Variants in ARL6IP6 observed in about 807,000 individuals in gnomAD.
The protein encoded by ARL6IP6 is ARF like GTPase 6 interacting protein 6.
A neutral mutation model predicts 21.5 loss-of-function variants in ARL6IP6; 22 were observed. That is an observed-to-expected ratio of 1.02 (90% CI 0.73 to 1.46). The LOEUF (loss-of-function observed/expected upper bound fraction) is 1.46. Ranked by LOEUF, ARL6IP6 falls within the 40% of genes most tolerant of loss-of-function variation. ARL6IP6 has a pLI of 0.00. For synonymous variants in ARL6IP6, 164 were observed against 125.3 expected (o/e 1.31, Z -2.06); for missense variants, 388 against 299.8 (o/e 1.29, Z -2.17).
chr2:152,724,343 A>C (rs1056204940), intron 2 of ARL6IP6, among the ~76,000 whole-genome samples: 1 of 152,224 alleles, frequency 6.6e-6, no homozygotes, highest in African/African-American at 2.4e-5. Context: ...ACAATATGCC[A>C]AAAGCCATTA....
At chr2:152,750,432 C>A in intron 3 of ARL6IP6, among the ~76,000 whole-genome samples, 1 of 147,376 alleles carries the variant, frequency 6.8e-6, no homozygotes, top group East Asian at 2.0e-4. Flanking sequence ...GCCAAGATCA[C>A]ACCACTGCAC....
chr2:152,728,165 C>T (rs529790738), intron 2 of ARL6IP6, among the ~76,000 whole-genome samples: 6 of 152,260 alleles, frequency 3.9e-5, no homozygotes, highest in Admixed American at 1.3e-4. Context: ...AGGTCTACCT[C>T]ATTTTTTCAT....
chr2:152,720,661 G>A, intron 2 of ARL6IP6, 75 bp downstream of exon 2: 4 of 1,288,984 alleles, frequency 3.1e-6, no homozygotes, highest in Non-Finnish European at 2.2e-6. Context: ...AACTAACTCT[G>A]GGATAAAATA....
At chr2:152,729,525 A>G (rs549536946) in intron 2 of ARL6IP6, among the ~76,000 whole-genome samples, 1 of 152,348 alleles carries the variant, frequency 6.6e-6, no homozygotes, top group African/African-American at 2.4e-5. Flanking sequence ...CTTAAATACA[A>G]GAATGTTCCT....
At chr2:152,724,897 TA>T (rs11349784) in intron 2 of ARL6IP6, among the ~76,000 whole-genome samples, 100,296 of 150,640 alleles carry the variant, frequency 0.67, 33,470 homozygotes, top group East Asian at 0.72. Context: ...AAACCTGACA[TA>T]AAAAAAAAAG....
intron 2 of ARL6IP6, among the ~76,000 whole-genome samples, chr2:152,728,552 A>G (rs541567564): frequency 5.3e-5 from 8 of 152,332 alleles, no homozygotes; most frequent in Non-Finnish European, 8.8e-5. Context: ...AAGGTTTTAT[A>G]GAAATAAAGT....
rs774928726 is a variant in ARL6IP6 at position 152,718,972 on chromosome 2, C to T, written c.348C>T (p.Leu116=). The change falls in exon 1 of 4, where the codon CTC becomes CTT. Residue 116 remains leucine (L), a synonymous_variant. Transcript: ENST00000326446. ...VQVLSILCSL[L]FAILLAFLLA... ...TCCTCTCTATTCTCTGCTCGCTGCTCTTCGCCATTCTTCTCGCCTTCCTCC... is the reference window on the plus strand; with the variant it reads ...TCCTCTCTATTCTCTGCTCGCTGCTTTTCGCCATTCTTCTCGCCTTCCTCC... 1.3e-6 allele frequency: 2 copies of T among 1,591,236 alleles called. No homozygotes were observed. Among genetic ancestry groups the T allele is most frequent in the Non-Finnish European group, 1.7e-6 (2 of 1,167,240 alleles).
At chr2:152,732,523 G>A in intron 2 of ARL6IP6, 2 of 438,944 alleles carry the variant, frequency 4.6e-6, no homozygotes. Context: ...TTTTTTATTG[G>A]CTTCTAGGAA....
intron 3 of ARL6IP6, among the ~76,000 whole-genome samples, chr2:152,758,877 G>A (rs1701706348): frequency 6.6e-6 from 1 of 152,098 alleles, no homozygotes; most frequent in South Asian, 2.1e-4. Context: ...TCTCAGTCCA[G>A]GGCCCTTACT....
chr2:152,719,403 C>A (rs1195005179), intron 1 of ARL6IP6, among the ~76,000 whole-genome samples: 1 of 152,144 alleles, frequency 6.6e-6, no homozygotes, highest in Non-Finnish European at 1.5e-5. Flanking sequence ...TGGCCTTCAT[C>A]CACAAATAAA....
intron 3 of ARL6IP6, among the ~76,000 whole-genome samples, chr2:152,743,834 T>G (rs1480829845): frequency 6.6e-6 from 1 of 152,196 alleles, no homozygotes; most frequent in African/African-American, 2.4e-5. Flanking sequence ...GATATCTGAA[T>G]CCAAAGCTTG....
chr2:152,717,728 G>A, upstream of ARL6IP6: 1 of 1,344,728 alleles, frequency 7.4e-7, no homozygotes, highest in Non-Finnish European at 9.6e-7. Context: ...AGACAACAGT[G>A]TCCCAGCTTC....
At chr2:152,755,002 C>T (rs1233623495) in intron 3 of ARL6IP6, among the ~76,000 whole-genome samples, 2 of 151,996 alleles carry the variant, frequency 1.3e-5, no homozygotes, top group Non-Finnish European at 2.9e-5. Context: ...ATATGAATAT[C>T]ATTAATCATT....
chr2:152,718,402 C>T (rs1699339834), upstream of ARL6IP6: 13 of 532,338 alleles, frequency 2.4e-5, no homozygotes, highest in Non-Finnish European at 3.8e-5. Flanking sequence ...GCTCCCCTTT[C>T]CGGCTACAGC....
intron 3 of ARL6IP6, among the ~76,000 whole-genome samples, chr2:152,744,434 A>G (rs7575101): frequency 0.029 from 4,451 of 152,114 alleles, 230 homozygotes; most frequent in African/African-American, 0.1. Flanking sequence ...TTCTCTTTAG[A>G]TATATTATTG....
rs774451377 is a variant in ARL6IP6 at position 152,720,449 on chromosome 2, G to T, written c.401-84G>T. The T allele has an allele frequency of 2.9e-6, 4 of 1,359,910 alleles. No individual in the cohort carries two copies. In the African/African-American group the frequency reaches 5.8e-5, roughly 20 times the overall value. 84.2% of individuals were successfully genotyped at this position (1,359,910 alleles called of 1,614,324 possible). ...TTGTGACTCCAGAGCACTTTCCACA[G>T]CTCCACAATGCCTTCACAGCCCTTG... On this transcript the variant is annotated intron_variant, in intron 1 of 3. Coordinates refer to ENST00000326446, the MANE Select transcript of ARL6IP6 (RefSeq NM_152522.7).
chr2:152,743,425 G>A (rs1451157484), intron 3 of ARL6IP6, among the ~76,000 whole-genome samples: 1 of 152,162 alleles, frequency 6.6e-6, no homozygotes, highest in Admixed American at 6.6e-5. Flanking sequence ...AACCTTCACA[G>A]TAGGACATTA....
intron 2 of ARL6IP6, among the ~76,000 whole-genome samples, chr2:152,729,248 T>A (rs1700186678): frequency 6.6e-6 from 1 of 152,000 alleles, no homozygotes; most frequent in Non-Finnish European, 1.5e-5. Flanking sequence ...CAGGCGCCTG[T>A]AATCCCAGCT....
chr2:152,746,752 A>G (rs1270758807), intron 3 of ARL6IP6, among the ~76,000 whole-genome samples: 1 of 149,274 alleles, frequency 6.7e-6, no homozygotes, highest in Non-Finnish European at 1.5e-5. Flanking sequence ...AAGTCTGACC[A>G]TGGCCTGCCA....
Sources: allele counts gnomAD v4.1 joint callset (sites outside exome capture counted in the v4.1 genomes callset), GRCh38; gene constraint gnomAD v4.1.1; transcripts MANE v1.5; gene names NCBI Gene and HGNC (gene_info 2026-07-23, HGNC 2026-07-21).